Variants in ATP11C observed in about 807,000 individuals in gnomAD.
The protein encoded by ATP11C is phospholipid-transporting ATPase IG.
A neutral mutation model predicts 97.4 loss-of-function variants in ATP11C; 36 were observed. The ratio of observed to expected loss-of-function variants is 0.37; its 90% confidence interval spans 0.28 to 0.49. ATP11C has a LOEUF of 0.49. Among genes scored for constraint, ATP11C ranks in the 20% least tolerant of loss-of-function variants. ATP11C has a pLI of 0.98. For missense variants in ATP11C, 730 were observed against 824.6 expected, an observed-to-expected ratio of 0.89 and a Z score of 1.40; for synonymous variants, 275 against 290.9, an observed-to-expected ratio of 0.95 and a Z score of 0.56.
chrX:139,813,649 T>C (rs929301992), intron 5 of ATP11C, among the ~76,000 whole-genome samples: 3 of 110,980 alleles, frequency 2.7e-5, no homozygotes, highest in Admixed American at 9.7e-5. Flanking sequence ...TATTACTAAG[T>C]GAAAGAAGCC....
intron 8 of ATP11C, among the ~76,000 whole-genome samples, 195 bp from the exon 9 acceptor site, chrX:139,798,938 G>A (rs963930571): frequency 9.0e-5 from 10 of 110,960 alleles, no homozygotes; most frequent in Non-Finnish European, 1.9e-4. Context: ...AGCACAGATG[G>A]AAGCACAGTA....
intron 1 of ATP11C, among the ~76,000 whole-genome samples, chrX:139,879,999 T>C (rs912970311): frequency 9.0e-6 from 1 of 111,335 alleles, no homozygotes; most frequent in African/African-American, 3.3e-5. Flanking sequence ...CCTTGTAATA[T>C]TGTATTAAGC....
intron 20 of ATP11C, among the ~76,000 whole-genome samples, chrX:139,766,626 G>A (rs191718964): frequency 2.6e-4 from 29 of 111,363 alleles, no homozygotes; most frequent in African/African-American, 7.8e-4. Flanking sequence ...GTGTGTGTGC[G>A]CGCGCACAGT....
Position 139,762,133 on chromosome X carries a change from A to G in ATP11C, c.2495-27T>C, listed in dbSNP as rs1181906972. On this transcript the variant is annotated intron_variant, in intron 21 of 29. Coordinates refer to ENST00000682941, the MANE Select transcript of ATP11C (RefSeq NM_001353812.2). ...TAAAAGAGAGTATCTCTATATGGTG[A>G]GCATTTTCTAGAATAAATGACTCCC... is the stretch of plus-strand genomic sequence containing the variant. The G allele has an allele frequency of 6.9e-5, 75 of 1,082,957 alleles. 1 individual carries two copies. The highest frequency in any genetic ancestry group is 8.7e-5 in the Non-Finnish European group (70 of 808,682). The allele number at this position is 1,082,957 out of a possible 1,213,427, so 89.2% of individuals were successfully genotyped here.
intron 1 of ATP11C, among the ~76,000 whole-genome samples, chrX:139,912,651 G>A (rs1010960364): frequency 9.0e-6 from 1 of 111,337 alleles, no homozygotes; most frequent in Non-Finnish European, 1.9e-5. Flanking sequence ...ACAGATACTT[G>A]TTAATGCACA....
chrX:139,763,173 G>C, intron 21 of ATP11C, 143 bp downstream of exon 21: 1 of 456,757 alleles, frequency 2.2e-6, no homozygotes. Flanking sequence ...ATCAGATGAG[G>C]CCTCCATTTA....
At chrX:139,875,420 A>C (rs1413642464) in intron 1 of ATP11C, among the ~76,000 whole-genome samples, 1 of 68,578 alleles carries the variant, frequency 1.5e-5, no homozygotes, top group Non-Finnish European at 2.2e-5. Context: ...CCATCTCCAC[A>C]AAAAAAAAAA....
intron 15 of ATP11C, among the ~76,000 whole-genome samples, chrX:139,786,448 A>C (rs1426969287): frequency 9.0e-6 from 1 of 110,604 alleles, no homozygotes; most frequent in African/African-American, 3.3e-5. Context: ...CCTGTCAGTC[A>C]GACCAAGAAC....
At chrX:139,914,540 G>A (rs1188056234) in intron 1 of ATP11C, among the ~76,000 whole-genome samples, 1 of 112,238 alleles carries the variant, frequency 8.9e-6, no homozygotes, top group African/African-American at 3.2e-5. Flanking sequence ...AGATGTGTCC[G>A]CCAAGGTGTT....
intron 1 of ATP11C, among the ~76,000 whole-genome samples, chrX:139,836,160 T>C (rs2147912409): frequency 9.2e-6 from 1 of 109,059 alleles, no homozygotes; most frequent in South Asian, 4.0e-4. Context: ...ACTCCCTGTT[T>C]CAGGATAAAG....
At chrX:139,833,767 T>C (rs930044887) in intron 1 of ATP11C, among the ~76,000 whole-genome samples, 3 of 111,129 alleles carry the variant, frequency 2.7e-5, no homozygotes, top group African/African-American at 9.8e-5. Flanking sequence ...AGCAAGACAG[T>C]TATGACTCTG....
At chrX:139,931,156 T>C (rs183066549) in intron 1 of ATP11C, among the ~76,000 whole-genome samples, 1 of 112,422 alleles carries the variant, frequency 8.9e-6, no homozygotes, top group Non-Finnish European at 1.9e-5. Context: ...ATTCTTAATG[T>C]ACCCTCTAGG....
intron 8 of ATP11C, among the ~76,000 whole-genome samples, chrX:139,799,644 CTTTTTTT>C (rs754371113): frequency 9.6e-4 from 58 of 60,372 alleles, no homozygotes; most frequent in African/African-American, 3.1e-3. Flanking sequence ...CTTTATATTC[CTTTTTTT>C]TTTTTTTTTT....
At chrX:139,891,367 C>G (rs1343331940) in intron 1 of ATP11C, among the ~76,000 whole-genome samples, 2 of 111,149 alleles carry the variant, frequency 1.8e-5, no homozygotes, top group Non-Finnish European at 3.8e-5. Flanking sequence ...TATAACAAAC[C>G]TACACATGTA....
intron 16 of ATP11C, 50 bp from the exon 17 acceptor site, chrX:139,783,317 G>C: frequency 5.3e-6 from 5 of 947,651 alleles, no homozygotes; most frequent in Non-Finnish European, 7.5e-6. Flanking sequence ...GGCTGGTATT[G>C]TGGTTTTAGT....
At position 139,739,465 on chromosome X, in the gene ATP11C, T is replaced by C. The variant is rs1018545178; in HGVS notation, c.3135-1396A>G. 5.4e-5 allele frequency among the ~76,000 whole-genome samples: 6 copies of C among 111,148 alleles called. No individual in the cohort carries two copies. The Admixed American group carries it at 5.8e-4, about 11-fold the overall frequency. On this transcript the variant is annotated intron_variant, in intron 27 of 29. Coordinates refer to ENST00000682941, the MANE Select transcript of ATP11C (RefSeq NM_001353812.2). Reference sequence around the variant, plus strand: ...GGTAAAACATGTCTAGAGACATCAGTTGTGACCACATTCAGCTGAAGTTTC... The same window carrying C: ...GGTAAAACATGTCTAGAGACATCAGCTGTGACCACATTCAGCTGAAGTTTC...
At chrX:139,848,033 T>C (rs1196678754) in intron 1 of ATP11C, among the ~76,000 whole-genome samples, 6 of 111,432 alleles carry the variant, frequency 5.4e-5, no homozygotes, top group African/African-American at 2.0e-4. Context: ...TTCATTCATT[T>C]GGGTCACTGG....
rs2081543476 is a variant in ATP11C, at chrX:139,740,983, T to C, written c.3134+8A>G. ...TTACATATTGCTCACACATGTACAA[T>C]TGCTTACCAAATAATTCCTCCCCAG... On this transcript the variant is annotated splice_region_variant and intron_variant, in intron 27 of 29. Coordinates refer to ENST00000682941, the MANE Select transcript of ATP11C (RefSeq NM_001353812.2). The C allele has an allele frequency of 1.1e-5, 12 of 1,130,709 alleles. No homozygotes were observed. The highest frequency in any genetic ancestry group is 2.2e-5 in the Admixed American group (1 of 45,728). The allele number at this position is 1,130,709 out of a possible 1,213,427, so 93.2% of individuals were successfully genotyped here. A position where few individuals can be genotyped will look rare whatever the true frequency, so the allele number is the denominator to read the frequency against.
intron 1 of ATP11C, among the ~76,000 whole-genome samples, chrX:139,901,434 A>T (rs1442099591): frequency 8.9e-6 from 1 of 111,776 alleles, no homozygotes; most frequent in Non-Finnish European, 1.9e-5. Flanking sequence ...ACAAAATGCC[A>T]GAAAGAACTG....
Sources: allele counts gnomAD v4.1 joint callset (sites outside exome capture counted in the v4.1 genomes callset), GRCh38; gene constraint gnomAD v4.1.1; transcripts MANE v1.5; gene names NCBI Gene and HGNC (gene_info 2026-07-23, HGNC 2026-07-21).